ARSJ: variants seen among roughly 807,000 people sequenced by gnomAD.
ARSJ encodes the protein arylsulfatase J.
ARSJ carries 26 observed loss-of-function variants against 35.9 expected under a neutral mutation model. That is an observed-to-expected ratio of 0.72 (90% CI 0.53 to 1.00). The LOEUF (loss-of-function observed/expected upper bound fraction) is 1.00. Ranked by LOEUF, ARSJ falls within the 50% of genes least tolerant of loss-of-function variation. ARSJ has a pLI of 0.00. For missense variants in ARSJ, 667 were observed against 723.6 expected, an observed-to-expected ratio of 0.92 and a Z score of 0.90; for synonymous variants, 294 against 267.6, an observed-to-expected ratio of 1.10 and a Z score of -0.96.
At chr4:113,908,344 C>G (rs2099669397) in intron 1 of ARSJ, among the ~76,000 whole-genome samples, 1 of 152,190 alleles carries the variant, frequency 6.6e-6, no homozygotes, top group Non-Finnish European at 1.5e-5. Flanking sequence ...TGGCTCTTAA[C>G]TCTTAATTCA....
intron 1 of ARSJ, among the ~76,000 whole-genome samples, chr4:113,972,020 A>G (rs1219104355): frequency 6.6e-6 from 1 of 152,238 alleles, no homozygotes; most frequent in Non-Finnish European, 1.5e-5. Flanking sequence ...GGTTTCCAAC[A>G]CTAGGACAAT....
intron 1 of ARSJ, among the ~76,000 whole-genome samples, chr4:113,909,898 T>C (rs1036111067): frequency 1.3e-5 from 2 of 152,182 alleles, no homozygotes; most frequent in Non-Finnish European, 2.9e-5. Flanking sequence ...AAGTTTATAA[T>C]ATCATTTACA....
At chr4:113,955,596 C>A (rs1325770221) in intron 1 of ARSJ, among the ~76,000 whole-genome samples, 1 of 152,028 alleles carries the variant, frequency 6.6e-6, no homozygotes, top group Non-Finnish European at 1.5e-5. Context: ...TCAATAAATA[C>A]CATGCACATA....
At chr4:113,906,815 A>G (rs1343582386) in intron 1 of ARSJ, 2 of 448,248 alleles carry the variant, frequency 4.5e-6, no homozygotes, top group Non-Finnish European at 8.9e-6. Context: ...TCTAGTAAGG[A>G]AGGTATATTT....
Position 113,978,444 on chromosome 4 carries a change from T to G in ARSJ, c.391A>C (p.Thr131Pro), listed in dbSNP as rs201030471. Residue 131 changes from threonine to proline, a missense_variant, in exon 1 of 2, where the codon ACT becomes CCT. Physicochemically the swap from Thr to Pro is conservative, Grantham distance 38 (BLOSUM62 -1). Transcript: ENST00000315366. ...ICTPSRSQFI[T>P]GKYQIHTGLQ... Reference sequence around the variant, plus strand: ...AGAAGTAGGAACACTTACTTTCCAGTAATAAACTGACTCCTGGATGGTGTG... The same window carrying G: ...AGAAGTAGGAACACTTACTTTCCAGGAATAAACTGACTCCTGGATGGTGTG... The G allele has an allele frequency of 1.3e-6, 2 of 1,597,166 alleles. No individual in the cohort carries two copies. The highest frequency in any genetic ancestry group is 1.7e-6 in the Non-Finnish European group (2 of 1,172,292).
chr4:113,960,613 T>C (rs140909574), intron 1 of ARSJ, among the ~76,000 whole-genome samples: 1 of 152,264 alleles, frequency 6.6e-6, no homozygotes, highest in Non-Finnish European at 1.5e-5. Context: ...ATGTGTTTAA[T>C]AGATCTGTAG....
chr4:113,938,163 C>T (rs577772862), intron 1 of ARSJ, among the ~76,000 whole-genome samples: 6 of 152,188 alleles, frequency 3.9e-5, no homozygotes, highest in South Asian at 2.1e-4. Flanking sequence ...GTAACCAAAA[C>T]GGCATGGTGC....
intron 1 of ARSJ, chr4:113,906,791 G>A (rs1238399373): frequency 2.2e-6 from 1 of 454,982 alleles, no homozygotes; most frequent in Non-Finnish European, 4.4e-6. Context: ...TGCAAGCATT[G>A]GAAGGGAGCA....
intron 1 of ARSJ, among the ~76,000 whole-genome samples, chr4:113,960,635 T>A (rs1268392166): frequency 6.6e-6 from 1 of 152,152 alleles, no homozygotes; most frequent in Non-Finnish European, 1.5e-5. Context: ...TTTTTATTAT[T>A]GCTGCTGCTG....
chr4:113,972,181 C>A lies in ARSJ; in HGVS notation c.398+6256G>T, dbSNP rs17677558. 0.013 allele frequency among the ~76,000 whole-genome samples: 1,994 copies of A among 151,458 alleles called. 114 individuals carry two copies. In the East Asian group the frequency reaches 0.16, roughly 12 times the overall value. On this transcript the variant is annotated intron_variant, in intron 1 of 1. Transcript: ENST00000315366. Reference sequence around the variant, plus strand: ...CAAACTAGGCCACCAGAGCTCCCGACTGAGTGCCTGACTGTACAGTGTGGC... The same window carrying A: ...CAAACTAGGCCACCAGAGCTCCCGAATGAGTGCCTGACTGTACAGTGTGGC...
rs1018820501 is a variant in ARSJ, at chr4:113,909,621, C to T, written c.399-5946G>A. On this transcript the variant is annotated intron_variant, in intron 1 of 1. Transcript: ENST00000315366. ...GTTGGCTCTCATTTCTCTCTCCTAC[C>T]GCCATGTGAAGAAGGATGTGTTTGC... is the stretch of plus-strand genomic sequence containing the variant. 3.3e-5 allele frequency among the ~76,000 whole-genome samples: 5 copies of T among 152,246 alleles called. No individual in the cohort carries two copies. The South Asian group carries it at 1.0e-3, about 32-fold the overall frequency.
At chr4:113,909,853 G>A (rs746561813) in intron 1 of ARSJ, among the ~76,000 whole-genome samples, 25 of 152,040 alleles carry the variant, frequency 1.6e-4, no homozygotes, top group Non-Finnish European at 3.5e-4. Flanking sequence ...TCAGTAAAGC[G>A]TCTCCATTTA....
intron 1 of ARSJ, among the ~76,000 whole-genome samples, chr4:113,942,467 C>T (rs1311739544): frequency 6.6e-6 from 1 of 152,002 alleles, no homozygotes; most frequent in African/African-American, 2.4e-5. Context: ...CCTCTCTGTT[C>T]CAAATAAACT....
At position 113,924,649 on chromosome 4, in the gene ARSJ, A is replaced by G. The variant is rs114056068; in HGVS notation, c.399-20974T>C. 4.9e-3 allele frequency among the ~76,000 whole-genome samples: 752 copies of G among 152,284 alleles called. 7 individuals are homozygous for G. The highest frequency in any genetic ancestry group is 0.018 in the African/African-American group (730 of 41,562). On this transcript the variant is annotated intron_variant, in intron 1 of 1. Transcript: ENST00000315366. ...CAGAAGTGCACTAATCCCCACTCAA[A>G]TACTATTACATAAAGTTTCAACAAT...
intron 1 of ARSJ, among the ~76,000 whole-genome samples, chr4:113,906,996 T>C (rs2099668940): frequency 6.6e-6 from 1 of 152,242 alleles, no homozygotes; most frequent in African/African-American, 2.4e-5. Flanking sequence ...AAAATAGAGA[T>C]GTAGAGAAGT....
intron 1 of ARSJ, among the ~76,000 whole-genome samples, chr4:113,955,898 T>G (rs1344915638): frequency 6.6e-6 from 1 of 152,150 alleles, no homozygotes; most frequent in African/African-American, 2.4e-5. Flanking sequence ...AAATGTTGCC[T>G]TTTAGTATCT....
At chr4:113,973,371 A>T (rs568116578) in intron 1 of ARSJ, among the ~76,000 whole-genome samples, 2 of 152,144 alleles carry the variant, frequency 1.3e-5, no homozygotes, top group Non-Finnish European at 2.9e-5. Flanking sequence ...TGACCTCAGC[A>T]CTTTTTAAGA....
At chr4:113,964,807 C>G (rs1726787703) in intron 1 of ARSJ, among the ~76,000 whole-genome samples, 1 of 152,032 alleles carries the variant, frequency 6.6e-6, no homozygotes, top group African/African-American at 2.4e-5. Context: ...CCCACCCTAG[C>G]CTTTCTGAAA....
chr4:113,912,026 A>C (rs1367438056), intron 1 of ARSJ, among the ~76,000 whole-genome samples: 3 of 152,224 alleles, frequency 2.0e-5, no homozygotes, highest in Admixed American at 6.5e-5. Flanking sequence ...AGTTAAGATG[A>C]TAGGTATTTC....
Sources: gnomAD v4.1 joint callset for allele counts (sites outside exome capture counted in the v4.1 genomes callset) on GRCh38, gnomAD v4.1.1 for gene constraint, MANE v1.5 for transcripts, NCBI Gene and HGNC (gene_info 2026-07-23, HGNC 2026-07-21) for gene names.